The following GRID1 variants were observed in gnomAD, a reference collection of about 807,000 sequenced individuals.
The protein encoded by GRID1 is glutamate receptor ionotropic, delta-1.
In GRID1, 28 loss-of-function variants were observed where a neutral mutation model predicts 98.0. The ratio of observed to expected loss-of-function variants is 0.29; its 90% CI spans 0.21 to 0.39. The LOEUF is 0.39. Ranked by LOEUF, GRID1 falls within the 10% of genes least tolerant of loss-of-function variation. The pLI, the probability that GRID1 is intolerant of heterozygous loss-of-function variation, is 1.00. For synonymous variants in GRID1, 553 were observed against 538.5 expected, an observed-to-expected ratio of 1.03 and a Z score of -0.37; for missense variants, 1,111 against 1,340.5, an observed-to-expected ratio of 0.83 and a Z score of 2.67.
chr10:86,258,051 C>A (rs1358075731), intron 2 of GRID1, among the ~76,000 whole-genome samples: 1 of 152,148 alleles, frequency 6.6e-6, no homozygotes, highest in Non-Finnish European at 1.5e-5. Flanking sequence ...TAGTTTTCTA[C>A]CCCAGTGAGG....
At chr10:86,152,917 T>C (rs1257122571) in intron 3 of GRID1, among the ~76,000 whole-genome samples, 1 of 152,244 alleles carries the variant, frequency 6.6e-6, no homozygotes, top group East Asian at 1.9e-4. Context: ...AAATTATGTA[T>C]TTAATTTACA....
chr10:86,311,939 G>A (rs1847837438), intron 2 of GRID1, among the ~76,000 whole-genome samples: 1 of 152,222 alleles, frequency 6.6e-6, no homozygotes, highest in Non-Finnish European at 1.5e-5. Context: ...ATAGGTCTGA[G>A]ATTCTCACAG....
chr10:85,649,910 C>A (rs1045695497), intron 12 of GRID1: 1 of 152,352 alleles, frequency 6.6e-6, no homozygotes, highest in East Asian at 1.9e-4. Context: ...CATCCATCAC[C>A]TCTAATAGCC....
intron 4 of GRID1, among the ~76,000 whole-genome samples, chr10:86,119,567 G>A (rs1844636076): frequency 6.6e-6 from 1 of 151,898 alleles, no homozygotes; most frequent in Admixed American, 6.6e-5. Flanking sequence ...AATTCTATAG[G>A]ATACACTTCT....
At chr10:85,831,332 A>G (rs1475748639) in intron 8 of GRID1, among the ~76,000 whole-genome samples, 7 of 152,178 alleles carry the variant, frequency 4.6e-5, no homozygotes, top group Non-Finnish European at 1.0e-4. Context: ...CCTATCAGGT[A>G]CTATGCTAAT....
intron 4 of GRID1, among the ~76,000 whole-genome samples, chr10:86,119,867 T>C (rs1844640689): frequency 6.6e-6 from 1 of 152,142 alleles, no homozygotes; most frequent in African/African-American, 2.4e-5. Context: ...CTCAGCTCAC[T>C]GCAAGCTCTG....
intron 4 of GRID1, among the ~76,000 whole-genome samples, chr10:85,980,027 G>A (rs886867417): frequency 9.2e-5 from 14 of 152,174 alleles, no homozygotes; most frequent in African/African-American, 3.4e-4. Context: ...CTTCAATGAC[G>A]GTTCATTAGT....
intron 2 of GRID1, among the ~76,000 whole-genome samples, chr10:86,324,494 C>T (rs7893827): frequency 0.065 from 9,850 of 152,148 alleles, 611 homozygotes; most frequent in African/African-American, 0.16. Context: ...AGCTTAGTGT[C>T]CAGGGTGAGG....
At chr10:85,722,757 C>A (rs1418473255) in intron 12 of GRID1, among the ~76,000 whole-genome samples, 1 of 152,090 alleles carries the variant, frequency 6.6e-6, no homozygotes, top group African/African-American at 2.4e-5. Flanking sequence ...TAATTGATTT[C>A]TTAGCTTTGT....
chr10:86,082,036 T>A (rs1161512620), intron 4 of GRID1, among the ~76,000 whole-genome samples: 1 of 152,272 alleles, frequency 6.6e-6, no homozygotes, highest in Non-Finnish European at 1.5e-5. Context: ...TTATTGGTTG[T>A]AACAATTATA....
intron 5 of GRID1, among the ~76,000 whole-genome samples, chr10:85,895,015 AAATAT>A (rs1317000386): frequency 1.1e-3 from 136 of 122,828 alleles, no homozygotes; most frequent in African/African-American, 2.1e-3. Flanking sequence ...AAAAAAAAAA[AAATAT>A]ATATATATAT....
chr10:86,139,964 C>T (rs1014189949), intron 3 of GRID1, among the ~76,000 whole-genome samples: 2 of 152,234 alleles, frequency 1.3e-5, no homozygotes, highest in African/African-American at 4.8e-5. Flanking sequence ...CAAAAAGAGA[C>T]ATGCCCAGGA....
chr10:85,641,952 A>G (rs1354704252), intron 13 of GRID1, among the ~76,000 whole-genome samples: 2 of 152,218 alleles, frequency 1.3e-5, no homozygotes, highest in Admixed American at 1.3e-4. Context: ...GGAGCTTCTT[A>G]GCAGAGATGC....
chr10:85,872,202 TAAGAAA>T (rs1468122649), intron 5 of GRID1, among the ~76,000 whole-genome samples: 4 of 151,942 alleles, frequency 2.6e-5, no homozygotes, highest in Non-Finnish European at 5.9e-5. Flanking sequence ...AGTAAGAATA[TAAGAAA>T]AAGCAATGAG....
chr10:85,718,987 T>C (rs1329260880), intron 12 of GRID1, among the ~76,000 whole-genome samples: 1 of 152,242 alleles, frequency 6.6e-6, no homozygotes, highest in Non-Finnish European at 1.5e-5. Context: ...AGTCACCTCT[T>C]GAATGCTTTG....
intron 4 of GRID1, among the ~76,000 whole-genome samples, chr10:85,956,454 G>C (rs1842194471): frequency 6.6e-6 from 1 of 152,196 alleles, no homozygotes; most frequent in African/African-American, 2.4e-5. Flanking sequence ...TCAAAGAGGT[G>C]AGTTACATAA....
Position 85,916,471 on chromosome 10 carries a change from A to G in GRID1, c.727-232T>C, listed in dbSNP as rs1841622093. On this transcript the variant is annotated intron_variant, in intron 4 of 15. Coordinates refer to ENST00000327946, the MANE Select transcript of GRID1 (RefSeq NM_017551.3). This position sits in a 1 kb window ranked among gnomAD's most constrained non-coding sequence, Gnocchi z 4.0. Reference sequence around the variant, plus strand: ...ACGCACTCCTGCACCAGCCCAGAGCAAGATTAGACGCTTGGGTTCCTGCAG... The same window carrying G: ...ACGCACTCCTGCACCAGCCCAGAGCGAGATTAGACGCTTGGGTTCCTGCAG... 6.6e-6 allele frequency among the ~76,000 whole-genome samples: 1 copy of G among 152,146 alleles called. No individual in the cohort carries two copies. The highest frequency in any genetic ancestry group is 2.4e-5 in the African/African-American group (1 of 41,430).
chr10:85,808,416 CTTGGATG>C (rs1842641563), intron 8 of GRID1, among the ~76,000 whole-genome samples: 1 of 152,138 alleles, frequency 6.6e-6, no homozygotes, highest in Non-Finnish European at 1.5e-5. Flanking sequence ...ATTGCAAACT[CTTGGATG>C]ACTCCTATGA....
At chr10:85,895,988 C>T (rs1454075974) in intron 5 of GRID1, among the ~76,000 whole-genome samples, 1 of 150,052 alleles carries the variant, frequency 6.7e-6, no homozygotes, top group South Asian at 2.1e-4. Flanking sequence ...AGAGTGCCTG[C>T]CCCTCACTGC....
Sources: gnomAD v4.1 joint callset for allele counts (sites outside exome capture counted in the v4.1 genomes callset) on GRCh38, gnomAD v4.1.1 for gene constraint, Gnocchi (gnomAD v3.1) non-coding constraint, MANE v1.5 for transcripts, NCBI Gene and HGNC (gene_info 2026-07-23, HGNC 2026-07-21) for gene names.